GOLM2: variants seen among roughly 807,000 people sequenced by gnomAD.
The protein encoded by GOLM2 is protein GOLM2.
GOLM2 carries 26 observed loss-of-function variants against 55.9 expected under a neutral mutation model. The observed-to-expected ratio is 0.47, with a 90% CI of 0.34 to 0.65. The LOEUF is 0.65. GOLM2 is among the 30% of genes least tolerant of loss of function. GOLM2 has a pLI of 0.01. For synonymous variants in GOLM2, 165 were observed against 194.6 expected (o/e 0.85, Z 1.27); for missense variants, 486 against 531.8 (o/e 0.91, Z 0.85).
intron 3 of GOLM2, among the ~76,000 whole-genome samples, chr15:44,331,765 TTC>T (rs1270829590): frequency 6.6e-6 from 1 of 152,174 alleles, no homozygotes; most frequent in Admixed American, 6.6e-5. Context: ...TCTTTGTAAT[TTC>T]TGTTTTCTCA....
intron 6 of GOLM2, among the ~76,000 whole-genome samples, chr15:44,373,176 G>A (rs775757645): frequency 1.3e-5 from 2 of 152,224 alleles, no homozygotes; most frequent in Admixed American, 6.5e-5. Flanking sequence ...AGTTCTGGGC[G>A]GCCGGGCACG....
intron 6 of GOLM2, among the ~76,000 whole-genome samples, chr15:44,352,141 G>A (rs1480703801): frequency 6.6e-6 from 1 of 152,104 alleles, no homozygotes; most frequent in Non-Finnish European, 1.5e-5. Context: ...GAACAAAATA[G>A]GAGGAATCAC....
At chr15:44,364,377 T>C (rs1001913819) in intron 6 of GOLM2, among the ~76,000 whole-genome samples, 8 of 105,422 alleles carry the variant, frequency 7.6e-5, no homozygotes, top group Non-Finnish European at 1.4e-4. Flanking sequence ...TACAAAAAAA[T>C]TGGACAGGTG....
intron 8 of GOLM2, among the ~76,000 whole-genome samples, chr15:44,398,657 CTTTTTTTTTT>C (rs994381104): frequency 9.3e-6 from 1 of 108,076 alleles, no homozygotes; most frequent in Non-Finnish European, 1.9e-5. Flanking sequence ...ATATAGGAGC[CTTTTTTTTTT>C]TTTTTTTTTT....
At chr15:44,410,120 G>GACC (rs2079627438) in intron 9 of GOLM2, among the ~76,000 whole-genome samples, 5 of 151,822 alleles carry the variant, frequency 3.3e-5, no homozygotes, top group Non-Finnish European at 7.4e-5. Context: ...TTCTGGAGAG[G>GACC]TACCCGTGAT....
intron 1 of GOLM2, among the ~76,000 whole-genome samples, chr15:44,304,554 CTTCTAT>C (rs2078823041): frequency 6.6e-6 from 1 of 151,818 alleles, no homozygotes; most frequent in African/African-American, 2.4e-5. Flanking sequence ...CCAGGCTCTA[CTTCTAT>C]TTCTAGTTCT....
chr15:44,313,446 C>T (rs1028661376), intron 1 of GOLM2, among the ~76,000 whole-genome samples: 1 of 152,136 alleles, frequency 6.6e-6, no homozygotes, highest in African/African-American at 2.4e-5. Flanking sequence ...GCTGACTTCA[C>T]CTGTATTCAT....
At chr15:44,344,035 G>C (rs2079105998) in intron 6 of GOLM2, among the ~76,000 whole-genome samples, 1 of 151,668 alleles carries the variant, frequency 6.6e-6, no homozygotes, top group Non-Finnish European at 1.5e-5. Flanking sequence ...TGAGGCGGGA[G>C]GGTCGCTTGA....
At chr15:44,328,367 G>C (rs1595628328) in intron 2 of GOLM2, among the ~76,000 whole-genome samples, 2 of 152,120 alleles carry the variant, frequency 1.3e-5, no homozygotes, top group Non-Finnish European at 2.9e-5. Flanking sequence ...AGTCTCAGCT[G>C]TCTGGGAGGT....
intron 6 of GOLM2, among the ~76,000 whole-genome samples, chr15:44,374,659 C>G (rs1595656180): frequency 6.6e-6 from 1 of 152,306 alleles, no homozygotes; most frequent in East Asian, 1.9e-4. Flanking sequence ...CACATCTTCA[C>G]ATGGCCGGAG....
intron 1 of GOLM2, among the ~76,000 whole-genome samples, chr15:44,299,771 T>C (rs995053474): frequency 5.3e-5 from 8 of 151,746 alleles, no homozygotes; most frequent in Non-Finnish European, 7.4e-5. Flanking sequence ...TTAATAATAT[T>C]GGTTCCTTTC....
chr15:44,381,422 T>C (rs1313680270), intron 8 of GOLM2, among the ~76,000 whole-genome samples: 2 of 152,200 alleles, frequency 1.3e-5, no homozygotes, highest in Non-Finnish European at 2.9e-5. Context: ...TCCTCCTCCA[T>C]TCCCTGCAAT....
intron 1 of GOLM2, among the ~76,000 whole-genome samples, chr15:44,321,263 G>A (rs985180572): frequency 2.0e-5 from 3 of 151,950 alleles, no homozygotes; most frequent in African/African-American, 7.3e-5. Context: ...CTTAAGCCCG[G>A]GAGTTCAAGA....
At position 44,373,293 on chromosome 15, in the gene GOLM2, T is replaced by G. The variant is rs1221286346; in HGVS notation, c.803-6397T>G. ...TAACACGGTGAAACCCCGTCTCTAC[T>G]AAAAATACAAAAAATTAGCCGGGCG... On this transcript the variant is annotated intron_variant, in intron 6 of 9. Coordinates refer to ENST00000299957, the MANE Select transcript of GOLM2 (RefSeq NM_138423.4). Among the ~76,000 whole-genome samples, 3 of 151,192 alleles carry G rather than the reference T, an allele frequency of 2.0e-5. No homozygotes were observed. In the South Asian group the frequency reaches 6.2e-4, roughly 31 times the overall value.
intron 5 of GOLM2, 31 bp from the exon 6 acceptor site, chr15:44,338,206 A>G: frequency 6.3e-7 from 1 of 1,587,648 alleles, no homozygotes. Context: ...AAGAAAAACG[A>G]TAGAATTCTA....
At chr15:44,365,061 T>C (rs1042072993) in intron 6 of GOLM2, among the ~76,000 whole-genome samples, 3 of 152,194 alleles carry the variant, frequency 2.0e-5, no homozygotes, top group Admixed American at 2.0e-4. Flanking sequence ...AGTTAAAAAC[T>C]TGTATCCACA....
chr15:44,378,610 TAAAAG>T (rs1048756039), intron 6 of GOLM2, among the ~76,000 whole-genome samples: 1 of 150,642 alleles, frequency 6.6e-6, no homozygotes, highest in African/African-American at 2.4e-5. Context: ...AATAAGTAAA[TAAAAG>T]AAAAGAAAAG....
intron 1 of GOLM2, among the ~76,000 whole-genome samples, chr15:44,301,532 A>C (rs140551729): frequency 1.3e-5 from 2 of 152,168 alleles, no homozygotes; most frequent in African/African-American, 4.8e-5. Flanking sequence ...TACATTGACT[A>C]TGGAACTTAC....
chr15:44,353,724 A>G (rs2079179615), intron 6 of GOLM2, among the ~76,000 whole-genome samples: 1 of 152,188 alleles, frequency 6.6e-6, no homozygotes, highest in Non-Finnish European at 1.5e-5. Flanking sequence ...TGGGAACTAA[A>G]AATTAAAATA....
Sources: gnomAD v4.1 joint callset for allele counts (sites outside exome capture counted in the v4.1 genomes callset) on GRCh38, gnomAD v4.1.1 for gene constraint, MANE v1.5 for transcripts, NCBI Gene and HGNC (gene_info 2026-07-23, HGNC 2026-07-21) for gene names.